COL25A1: variants seen among roughly 807,000 people sequenced by gnomAD.
The protein encoded by COL25A1 is collagen type XXV alpha 1 chain, also known as collagen alpha-1(XXV) chain.
COL25A1 carries 103 observed loss-of-function variants against 128.4 expected under a neutral mutation model. That is an observed-to-expected ratio of 0.80 (90% CI 0.68 to 0.94). COL25A1 has a LOEUF of 0.94. Ranked by LOEUF, COL25A1 falls within the 40% of genes least tolerant of loss-of-function variation. The pLI is 0.00. For missense variants in COL25A1, 745 were observed against 840.0 expected (o/e 0.89, Z 1.40); for synonymous variants, 279 against 277.2 (o/e 1.01, Z -0.06).
intron 20 of COL25A1, among the ~76,000 whole-genome samples, 167 bp downstream of exon 20, chr4:108,868,917 GAGAA>G (rs1738326539): frequency 7.8e-6 from 1 of 128,422 alleles, no homozygotes; most frequent in Non-Finnish European, 1.7e-5. Flanking sequence ...AAGAAAGAAA[GAGAA>G]AGAAAAGAAG....
intron 26 of COL25A1, among the ~76,000 whole-genome samples, chr4:108,850,753 ACC>A (rs1361749667): frequency 6.6e-6 from 1 of 152,120 alleles, no homozygotes; most frequent in Non-Finnish European, 1.5e-5. Context: ...ATTAGTCCTT[ACC>A]ATAGAGTAGA....
Position 108,877,096 on chromosome 4 carries a change from G to A in COL25A1, c.1020+7082C>T, listed in dbSNP as rs143199170. Among the ~76,000 whole-genome samples the A allele has an allele frequency of 9.4e-3, 1,427 of 152,294 alleles. 26 individuals carry two copies. The highest frequency in any genetic ancestry group is 0.032 in the African/African-American group (1,319 of 41,562). ...TGACAGTAAACTGCTGGGAGCAGCC[G>A]CAAGCTGAAAATCTGACACAGGCTG... is the stretch of plus-strand genomic sequence containing the variant. On this transcript the variant is annotated intron_variant, in intron 19 of 37. Coordinates refer to ENST00000399132, the MANE Select transcript of COL25A1 (RefSeq NM_198721.4).
chr4:108,931,555 A>G (rs1746742588), intron 11 of COL25A1, among the ~76,000 whole-genome samples: 1 of 152,152 alleles, frequency 6.6e-6, no homozygotes, highest in Non-Finnish European at 1.5e-5. Flanking sequence ...CCAAGATGAC[A>G]TTTTGTTTCT....
intron 5 of COL25A1, among the ~76,000 whole-genome samples, chr4:109,045,019 T>C (rs1760296767): frequency 6.6e-6 from 1 of 152,134 alleles, no homozygotes; most frequent in African/African-American, 2.4e-5. Context: ...TTTTCGTCCT[T>C]CTCCTCCTCA....
At chr4:108,990,620 A>G (rs921162352) in intron 6 of COL25A1, among the ~76,000 whole-genome samples, 2 of 152,022 alleles carry the variant, frequency 1.3e-5, no homozygotes, top group Non-Finnish European at 2.9e-5. Context: ...GTAAAGTACC[A>G]CCTCTAAGGG....
intron 3 of COL25A1, among the ~76,000 whole-genome samples, chr4:109,087,294 C>A (rs1270486461): frequency 3.3e-5 from 5 of 151,836 alleles, no homozygotes; most frequent in African/African-American, 1.2e-4. Context: ...GCAGCACGTA[C>A]AAGAAACCTT....
chr4:108,886,490 G>GTT (rs201934712), intron 18 of COL25A1, among the ~76,000 whole-genome samples: 1,520 of 41,862 alleles, frequency 0.036, 40 homozygotes, highest in East Asian at 0.061. Context: ...GTGTGTGTGT[G>GTT]TGTTTAGCTC....
In COL25A1 at chr4:108,974,405, A is replaced by C; in HGVS notation, c.466-12T>G. 1.2e-6 allele frequency: 2 copies of C among 1,613,938 alleles called. No individual in the cohort carries two copies. Among genetic ancestry groups the C allele is most frequent in the Non-Finnish European group, 1.7e-6 (2 of 1,179,842 alleles). On this transcript the variant is annotated splice_polypyrimidine_tract_variant and intron_variant, in intron 7 of 37. Transcript: ENST00000399132. ...TCACCTTGTTCTCCCTGTAGAATAGAAAGGTGAGATAACAGTTTTAGCCAA... is the reference window on the plus strand; with the variant it reads ...TCACCTTGTTCTCCCTGTAGAATAGCAAGGTGAGATAACAGTTTTAGCCAA...
chr4:108,991,641 G>A (rs1754240072), intron 6 of COL25A1, among the ~76,000 whole-genome samples: 1 of 135,136 alleles, frequency 7.4e-6, no homozygotes, highest in Admixed American at 8.4e-5. Context: ...GTTGTGTAGT[G>A]AGCAAAATAC....
chr4:109,206,571 A>T (rs903341268), intron 3 of COL25A1, among the ~76,000 whole-genome samples: 1 of 152,128 alleles, frequency 6.6e-6, no homozygotes, highest in Admixed American at 6.5e-5. Flanking sequence ...CAAAAATCTC[A>T]TCTCTTGCAC....
chr4:108,823,952 G>A (rs946369946), intron 35 of COL25A1: 5 of 1,438,796 alleles, frequency 3.5e-6, no homozygotes, highest in Non-Finnish European at 4.5e-6. Context: ...AATATCTGGT[G>A]ATAATAATTT....
At chr4:108,846,075 GTTTAA>G (rs940090394) in intron 28 of COL25A1, 59 bp downstream of exon 28, 10 of 1,064,516 alleles carry the variant, frequency 9.4e-6, no homozygotes, top group African/African-American at 4.8e-5. Context: ...TTTTCTGATT[GTTTAA>G]TTTATCTTAA....
intron 32 of COL25A1, among the ~76,000 whole-genome samples, chr4:108,831,976 A>G (rs577279602): frequency 1.1e-4 from 16 of 152,334 alleles, no homozygotes; most frequent in African/African-American, 3.8e-4. Flanking sequence ...TTTCCTTTGG[A>G]AAAAAGTTAT....
chr4:109,134,199 T>C (rs1769489757), intron 3 of COL25A1, among the ~76,000 whole-genome samples: 1 of 151,232 alleles, frequency 6.6e-6, no homozygotes, highest in Non-Finnish European at 1.5e-5. Flanking sequence ...AGGAGGTTTT[T>C]TTTTTTTTCT....
intron 3 of COL25A1, among the ~76,000 whole-genome samples, chr4:109,085,094 T>C (rs1764233710): frequency 6.6e-6 from 1 of 152,204 alleles, no homozygotes; most frequent in South Asian, 2.1e-4. Context: ...TCTCATGCAC[T>C]CTGTGACATT....
At chr4:108,906,654 T>C (rs1292949566) in intron 13 of COL25A1, among the ~76,000 whole-genome samples, 1 of 152,212 alleles carries the variant, frequency 6.6e-6, no homozygotes, top group African/African-American at 2.4e-5. Context: ...GTACTCACAT[T>C]AGAAATTCTC....
intron 3 of COL25A1, among the ~76,000 whole-genome samples, chr4:109,275,760 T>C (rs2126269402): frequency 6.6e-6 from 1 of 152,298 alleles, no homozygotes; most frequent in African/African-American, 2.4e-5. Context: ...ACATTAGGCT[T>C]CTCTCTGTAA....
chr4:109,223,784 A>C (rs1778591019), intron 3 of COL25A1, among the ~76,000 whole-genome samples: 1 of 152,150 alleles, frequency 6.6e-6, no homozygotes, highest in East Asian at 1.9e-4. Context: ...AGGGACCAAT[A>C]AAGGGGTTAA....
chr4:108,866,293 G>A (rs898156337), intron 20 of COL25A1, among the ~76,000 whole-genome samples: 2 of 151,134 alleles, frequency 1.3e-5, no homozygotes, highest in South Asian at 4.2e-4. Context: ...CCTGGGCTCA[G>A]GTGATCCTTC....
Sources: gnomAD v4.1 joint callset for allele counts (sites outside exome capture counted in the v4.1 genomes callset) on GRCh38, gnomAD v4.1.1 for gene constraint, MANE v1.5 for transcripts, NCBI Gene and HGNC (gene_info 2026-07-23, HGNC 2026-07-21) for gene names.